The following SDCBP variants were observed in gnomAD, a reference collection of about 807,000 sequenced individuals.
SDCBP encodes syntenin-1.
Under a neutral mutation model 30.5 loss-of-function variants are expected in SDCBP, and 22 were observed. The observed-to-expected ratio is 0.72, with a 90% CI of 0.52 to 1.03. The LOEUF is 1.03. Ranked by LOEUF, SDCBP falls within the 50% of genes least tolerant of loss-of-function variation. The pLI, the probability that SDCBP is intolerant of heterozygous loss-of-function variation, is 0.00. For missense variants in SDCBP, 304 were observed against 369.9 expected, an observed-to-expected ratio of 0.82 and a Z score of 1.46; for synonymous variants, 103 against 118.7, an observed-to-expected ratio of 0.87 and a Z score of 0.86.
chr8:58,559,433 T>C (rs990504855), intron 1 of SDCBP, among the ~76,000 whole-genome samples: 17 of 152,156 alleles, frequency 1.1e-4, no homozygotes, highest in Non-Finnish European at 1.8e-4. Flanking sequence ...AGGCAAAAAA[T>C]TGTGTTTAGG....
intron 2 of SDCBP, among the ~76,000 whole-genome samples, chr8:58,567,799 C>T (rs760770462): frequency 3.9e-5 from 6 of 152,152 alleles, no homozygotes; most frequent in Non-Finnish European, 8.8e-5. Context: ...AGTAATACTG[C>T]ATGTTACTGT....
chr8:58,581,822 C>A lies in SDCBP; in HGVS notation c.*82C>A. 2 of 1,156,058 alleles carry A rather than the reference C, an allele frequency of 1.7e-6. No individual in the cohort carries two copies. Among genetic ancestry groups the A allele is most frequent in the Non-Finnish European group, 2.6e-6 (2 of 766,636 alleles). 71.6% of individuals were successfully genotyped at this position (1,156,058 alleles called of 1,614,324 possible). ...TTCTGTATTATGCACGTGAAGCCTT[C>A]CCGGAGCCAGCGAGCATATGCTGCA... is the stretch of plus-strand genomic sequence containing the variant. On this transcript the variant is annotated 3_prime_UTR_variant, in exon 9 of 9. Coordinates refer to ENST00000260130, the MANE Select transcript of SDCBP (RefSeq NM_005625.4).
chr8:58,569,788 TTTATAA>T (rs1386937047), intron 2 of SDCBP, among the ~76,000 whole-genome samples: 2 of 152,200 alleles, frequency 1.3e-5, no homozygotes, highest in East Asian at 1.9e-4. Context: ...TGGATTGTTA[TTTATAA>T]TTATAAAGAT....
chr8:58,579,590 T>A (rs368205312), intron 6 of SDCBP, 33 bp from the exon 7 acceptor site: 197 of 1,452,042 alleles, frequency 1.4e-4, no homozygotes, highest in Middle Eastern at 7.8e-4. Context: ...TAGCTTAGAA[T>A]TAAGTTTTTA....
chr8:58,570,633 T>C, intron 2 of SDCBP: 1 of 358,912 alleles, frequency 2.8e-6, no homozygotes, highest in Non-Finnish European at 5.0e-6. Flanking sequence ...GAAGTGCTGG[T>C]TATAAGACAT....
intron 1 of SDCBP, 147 bp downstream of exon 1, chr8:58,553,450 T>C (rs563314050): frequency 6.5e-6 from 1 of 153,350 alleles, no homozygotes; most frequent in East Asian, 1.9e-4. Flanking sequence ...CGCCCTCTCC[T>C]CAGGGGGCTC....
intron 2 of SDCBP, among the ~76,000 whole-genome samples, chr8:58,570,008 G>A (rs564448113): frequency 1.3e-5 from 2 of 152,274 alleles, no homozygotes; most frequent in Non-Finnish European, 2.9e-5. Context: ...GCTAGGTTGA[G>A]ATACTACTAT....
intron 1 of SDCBP, among the ~76,000 whole-genome samples, chr8:58,554,342 T>G (rs1004790624): frequency 3.9e-5 from 6 of 152,206 alleles, no homozygotes; most frequent in Admixed American, 3.3e-4. Flanking sequence ...TCAAATTTGT[T>G]CAGTCTTTTT....
In SDCBP at chr8:58,581,806, A is replaced by T; in HGVS notation, c.*66A>T. On this transcript the variant is annotated 3_prime_UTR_variant, in exon 9 of 9. Coordinates refer to ENST00000260130, the MANE Select transcript of SDCBP (RefSeq NM_005625.4). ...TTCCTTCTTTGGCAACTTCTGTATT[A>T]TGCACGTGAAGCCTTCCCGGAGCCA... The T allele has an allele frequency of 2.2e-6, 3 of 1,351,006 alleles. No homozygotes were observed. Among genetic ancestry groups the T allele is most frequent in the Non-Finnish European group, 2.1e-6 (2 of 942,252 alleles). The allele number at this position is 1,351,006 out of a possible 1,614,324, so 83.7% of individuals were successfully genotyped here. A position where few individuals can be genotyped will look rare whatever the true frequency, so the allele number is the denominator to read the frequency against.
chr8:58,565,029 C>A lies in SDCBP; in HGVS notation c.-5C>A. On this transcript the variant is annotated 5_prime_UTR_variant, in exon 2 of 9. Coordinates refer to ENST00000260130, the MANE Select transcript of SDCBP (RefSeq NM_005625.4). ...TCTTTTTTTCTTTAGAAGAATCCTG[C>A]AAAAATGTCTCTCTATCCATCTCTC... is the stretch of plus-strand genomic sequence containing the variant. The A allele has an allele frequency of 6.3e-7, 1 of 1,580,598 alleles. No homozygotes were observed. Among genetic ancestry groups the A allele is most frequent in the Non-Finnish European group, 8.6e-7 (1 of 1,158,060 alleles).
chr8:58,559,856 C>T (rs1439720283), intron 1 of SDCBP, among the ~76,000 whole-genome samples: 5 of 152,180 alleles, frequency 3.3e-5, no homozygotes, highest in African/African-American at 1.2e-4. Flanking sequence ...GAAAATTCAT[C>T]CTACTTGCTC....
intron 1 of SDCBP, among the ~76,000 whole-genome samples, chr8:58,557,472 A>G (rs181404982): frequency 4.5e-4 from 65 of 145,344 alleles, no homozygotes; most frequent in African/African-American, 1.5e-3. Context: ...CATATTATAT[A>G]TGTTATATAT....
chr8:58,578,744 A>G (rs1198747957), intron 6 of SDCBP, among the ~76,000 whole-genome samples: 1 of 152,210 alleles, frequency 6.6e-6, no homozygotes, highest in Non-Finnish European at 1.5e-5. Context: ...TCCATACCCA[A>G]TTAAGGGTAG....
chr8:58,568,228 A>G (rs756800514), intron 2 of SDCBP, among the ~76,000 whole-genome samples: 1 of 151,950 alleles, frequency 6.6e-6, no homozygotes, highest in Non-Finnish European at 1.5e-5. Context: ...CTTTTTTCCT[A>G]TTTTTTAAAT....
At chr8:58,578,290 T>C in intron 6 of SDCBP, 82 bp downstream of exon 6, 1 of 1,038,488 alleles carries the variant, frequency 9.6e-7, no homozygotes, top group Non-Finnish European at 1.4e-6. Flanking sequence ...GTGAGTATAT[T>C]ATTTTGTTGC....
chr8:58,579,922 T>C lies in SDCBP; in HGVS notation c.750+128T>C, dbSNP rs370513097. ...ATGGGGAACGTGGGGCCTGAACTCT[T>C]GGTCTGGCCAGTCACCGGAATTATT... On this transcript the variant is annotated intron_variant, in intron 7 of 8. Coordinates refer to ENST00000260130, the MANE Select transcript of SDCBP (RefSeq NM_005625.4). 6 of 784,444 alleles carry C rather than the reference T, an allele frequency of 7.6e-6. No individual in the cohort carries two copies. The East Asian group carries it at 8.2e-5, about 11-fold the overall frequency. 48.6% of individuals were successfully genotyped at this position (784,444 alleles called of 1,614,324 possible). A position where few individuals can be genotyped will look rare whatever the true frequency, so the allele number is the denominator to read the frequency against.
chr8:58,575,949 CTGGTAA>C lies in SDCBP; in HGVS notation c.293_298del (p.Gly98_Asn99del). ...ATAAACTATATGGTGGCTCCTGTAA[CTGGTAA>C]TGATGTTGGAATTCGTAGAGCAGAA... On this transcript the variant is annotated inframe_deletion, in exon 5 of 9. Transcript: ENST00000260130. The C allele has an allele frequency of 6.2e-7, 1 of 1,613,462 alleles. No individual in the cohort carries two copies. The highest frequency in any genetic ancestry group is 8.5e-7 in the Non-Finnish European group (1 of 1,179,604).
chr8:58,567,042 A>G (rs901749718), intron 2 of SDCBP, among the ~76,000 whole-genome samples: 5 of 152,202 alleles, frequency 3.3e-5, no homozygotes, highest in Non-Finnish European at 5.9e-5. Flanking sequence ...ATTTGGCAGC[A>G]GTGACGCTAC....
intron 1 of SDCBP, among the ~76,000 whole-genome samples, chr8:58,555,013 C>T (rs1804019062): frequency 6.6e-6 from 1 of 152,194 alleles, no homozygotes; most frequent in Admixed American, 6.5e-5. Flanking sequence ...TCTACACAGG[C>T]AAACATATAA....
Sources: allele counts gnomAD v4.1 joint callset (sites outside exome capture counted in the v4.1 genomes callset), GRCh38; gene constraint gnomAD v4.1.1; transcripts MANE v1.5; gene names NCBI Gene and HGNC (gene_info 2026-07-23, HGNC 2026-07-21).